The following KLHL12 variants were observed in gnomAD, a reference collection of about 807,000 sequenced individuals.
The protein encoded by KLHL12 is kelch like family member 12.
KLHL12 carries 17 observed loss-of-function variants against 60.8 expected under a neutral mutation model. The observed-to-expected ratio is 0.28, with a 90% CI of 0.19 to 0.42. The LOEUF is 0.42. Among genes scored for constraint, KLHL12 ranks in the 10% least tolerant of loss-of-function variants. The probability of loss-of-function intolerance (pLI) is 1.00; values close to 1 mark genes in which losing one functional copy is unlikely to be tolerated. For synonymous variants in KLHL12, 220 were observed against 250.9 expected, an observed-to-expected ratio of 0.88 and a Z score of 1.16; for missense variants, 468 against 722.3, an observed-to-expected ratio of 0.65 and a Z score of 4.04.
chr1:202,913,163 T>C (rs1557995791), intron 4 of KLHL12, among the ~76,000 whole-genome samples: 1 of 152,140 alleles, frequency 6.6e-6, no homozygotes, highest in East Asian at 1.9e-4. Context: ...ATTAATCATC[T>C]GGGGAACTTA....
intron 4 of KLHL12, among the ~76,000 whole-genome samples, chr1:202,911,596 A>G (rs1660363313): frequency 6.6e-6 from 1 of 152,034 alleles, no homozygotes. Context: ...AGGTGGGGGA[A>G]TCTGTTGCCT....
In KLHL12 at chr1:202,924,953, T is replaced by C; in HGVS notation, c.195+15A>G. 3 of 1,607,628 alleles carry C rather than the reference T, an allele frequency of 1.9e-6. No homozygotes were observed. Among genetic ancestry groups the C allele is most frequent in the Non-Finnish European group, 2.6e-6 (3 of 1,175,854 alleles). On this transcript the variant is annotated intron_variant, in intron 2 of 11. Transcript: ENST00000367261. ...TCCACGGGTTTCATTTGTGTGGGGC[T>C]AATTTACCACTTACCTCACTAGTGA...
At chr1:202,899,835 A>T (rs112684672) in intron 6 of KLHL12, among the ~76,000 whole-genome samples, 108,726 of 149,884 alleles carry the variant, frequency 0.73, 40,385 homozygotes, top group Non-Finnish European at 0.81. Context: ...AAAAAAAAAA[A>T]AAAAATAATA....
At chr1:202,892,715 G>A in intron 11 of KLHL12, 56 bp from the exon 12 acceptor site, 1 of 1,587,224 alleles carries the variant, frequency 6.3e-7, no homozygotes, top group Non-Finnish European at 8.6e-7. Flanking sequence ...AGTGGCACGT[G>A]CCTGTAATCC....
rs1225305768 is a variant in KLHL12 at position 202,909,771 on chromosome 1, GACTCTAC to G, written c.718-654_718-648del. The stretch of plus-strand genomic sequence containing the variant: ...AGGTCAAGGTTTCTCTCAAGGCAGT[GACTCTAC>G]ACGATTCTCTTTCCTTTAAGGTTCT... On this transcript the variant is annotated intron_variant, in intron 5 of 11. Transcript: ENST00000367261. The surrounding 1 kb of genome is among the most constrained non-coding windows in gnomAD (Gnocchi z 4.1). 1.3e-5 allele frequency among the ~76,000 whole-genome samples: 2 copies of G among 152,098 alleles called. No homozygotes were observed. Among genetic ancestry groups the G allele is most frequent in the African/African-American group, 4.8e-5 (2 of 41,416 alleles).
rs1659723724 is a variant in KLHL12 at position 202,893,006 on chromosome 1, C to G, written c.1580+233G>C. Among the ~76,000 whole-genome samples the G allele has an allele frequency of 1.3e-5, 2 of 152,028 alleles. No individual in the cohort carries two copies. The highest frequency in any genetic ancestry group is 1.5e-5 in the Non-Finnish European group (1 of 68,014). The stretch of plus-strand genomic sequence containing the variant: ...AGCCTAGGCAACATAAAAAACTAGT[C>G]TGGCACAGTGGCGTGCACCTGTGGT... On this transcript the variant is annotated intron_variant, in intron 11 of 11. Transcript: ENST00000367261. This position sits in a 1 kb window ranked among gnomAD's most constrained non-coding sequence, Gnocchi z 4.1.
At chr1:202,894,565 C>A in intron 9 of KLHL12, 26 bp downstream of exon 9, 1 of 1,613,050 alleles carries the variant, frequency 6.2e-7, no homozygotes, top group South Asian at 1.1e-5. Flanking sequence ...GAGTTCCCTC[C>A]CATTCCTGCA....
At chr1:202,903,267 A>C (rs1398322221) in intron 6 of KLHL12, among the ~76,000 whole-genome samples, 1 of 150,606 alleles carries the variant, frequency 6.6e-6, no homozygotes, top group Non-Finnish European at 1.5e-5. Context: ...AACTCATTCT[A>C]CTTTCTGAGG....
upstream of KLHL12, chr1:202,927,296 C>T (rs1366023834): frequency 4.1e-6 from 4 of 984,510 alleles, no homozygotes; most frequent in East Asian, 3.4e-4. Context: ...TCCCCCCGCT[C>T]CAGAGTCTGC....
upstream of KLHL12, chr1:202,927,402 G>T (rs909488986): frequency 4.9e-6 from 2 of 412,154 alleles, no homozygotes. Context: ...GGTCGGGTGG[G>T]CAGGGAATGG....
At chr1:202,897,592 G>C (rs1659880755) in intron 6 of KLHL12, among the ~76,000 whole-genome samples, 1 of 151,812 alleles carries the variant, frequency 6.6e-6, no homozygotes, top group East Asian at 1.9e-4. Context: ...GTGCAGGTGA[G>C]AGCCTAAAGG....
intron 6 of KLHL12, among the ~76,000 whole-genome samples, chr1:202,899,268 C>T (rs530223709): frequency 3.9e-5 from 6 of 152,206 alleles, no homozygotes; most frequent in Non-Finnish European, 5.9e-5. Context: ...GCTGAGATAG[C>T]GCCACTACAC....
At chr1:202,912,607 CT>C in intron 4 of KLHL12, 1 of 1,329,610 alleles carries the variant, frequency 7.5e-7, no homozygotes, top group South Asian at 1.2e-5. Flanking sequence ...AGGGAGGAAA[CT>C]TTGGAGGCAG....
chr1:202,908,096 A>C (rs1443449376), intron 6 of KLHL12, among the ~76,000 whole-genome samples: 2 of 152,186 alleles, frequency 1.3e-5, no homozygotes, highest in African/African-American at 4.8e-5. Context: ...TTTATACACT[A>C]TACACCTAGG....
chr1:202,920,328 GA>G (rs972721901), intron 2 of KLHL12, among the ~76,000 whole-genome samples: 2 of 132,540 alleles, frequency 1.5e-5, no homozygotes, highest in African/African-American at 2.7e-5. Context: ...AAATAAAAAA[GA>G]AAGAAAATAA....
At chr1:202,896,736 G>T in intron 7 of KLHL12, 118 bp downstream of exon 7, 4 of 794,880 alleles carry the variant, frequency 5.0e-6, no homozygotes, top group Non-Finnish European at 6.6e-6. Context: ...CAAGACTGTT[G>T]TAAGAAACAT....
At chr1:202,916,975 G>GAAA (rs111461718) in intron 4 of KLHL12, among the ~76,000 whole-genome samples, 5 of 141,216 alleles carry the variant, frequency 3.5e-5, no homozygotes, top group African/African-American at 5.3e-5. Flanking sequence ...CATCTCAGAA[G>GAAA]AAAAAAAAAA....
chr1:202,921,296 G>A (rs142829708), intron 2 of KLHL12, among the ~76,000 whole-genome samples: 3,832 of 151,564 alleles, frequency 0.025, 167 homozygotes, highest in African/African-American at 0.088. Context: ...TGCCTCAGCC[G>A]CCTGAGTAGC....
chr1:202,918,509 A>C (rs1462955082), intron 3 of KLHL12, 121 bp from the exon 4 acceptor site: 3 of 741,142 alleles, frequency 4.0e-6, no homozygotes, highest in Non-Finnish European at 4.5e-6. Context: ...TCAACACCTA[A>C]GAAACAGATT....
Sources: allele counts gnomAD v4.1 joint callset (sites outside exome capture counted in the v4.1 genomes callset), GRCh38; gene constraint gnomAD v4.1.1; non-coding constraint Gnocchi (gnomAD v3.1); transcripts MANE v1.5; gene names NCBI Gene and HGNC (gene_info 2026-07-23, HGNC 2026-07-21).